Variants in MB21D2 observed in about 807,000 individuals in gnomAD.
The protein encoded by MB21D2 is nucleotidyltransferase MB21D2.
Under a neutral mutation model 33.3 loss-of-function variants are expected in MB21D2, and 9 were observed. That is an observed-to-expected ratio of 0.27 (90% CI 0.16 to 0.47). The LOEUF (loss-of-function observed/expected upper bound fraction) is 0.47, where lower values mean the gene tolerates loss of function less well. MB21D2 is among the 20% of genes least tolerant of loss of function. MB21D2 has a pLI of 0.99. For synonymous variants in MB21D2, 241 were observed against 236.3 expected, an observed-to-expected ratio of 1.02 and a Z score of -0.18; for missense variants, 540 against 624.6, an observed-to-expected ratio of 0.86 and a Z score of 1.44.
At chr3:192,887,184 T>C (rs1292626208) in intron 1 of MB21D2, among the ~76,000 whole-genome samples, 2 of 152,102 alleles carry the variant, frequency 1.3e-5, no homozygotes, top group Non-Finnish European at 2.9e-5. Flanking sequence ...TCTCGTTCTG[T>C]TTCCCAGGGT....
At chr3:192,905,611 T>G in intron 1 of MB21D2, among the ~76,000 whole-genome samples, 1 of 136,542 alleles carries the variant, frequency 7.3e-6, no homozygotes, top group South Asian at 2.3e-4. Context: ...CACTCCAGCC[T>G]GAGTGACAGA....
At chr3:192,877,493 C>G (rs1430462803) in intron 1 of MB21D2, among the ~76,000 whole-genome samples, 1 of 152,192 alleles carries the variant, frequency 6.6e-6, no homozygotes, top group Non-Finnish European at 1.5e-5. Context: ...TGCCAGTCCT[C>G]TACCCTGAGC....
intron 1 of MB21D2, among the ~76,000 whole-genome samples, chr3:192,858,584 C>T (rs1020466683): frequency 1.2e-4 from 18 of 152,212 alleles, no homozygotes; most frequent in Non-Finnish European, 1.8e-4. Context: ...TCCCCCTCAG[C>T]ATTTCTAGTA....
At chr3:192,814,831 T>C (rs6769388) in intron 1 of MB21D2, among the ~76,000 whole-genome samples, 11,820 of 150,950 alleles carry the variant, frequency 0.078, 1,402 homozygotes, top group African/African-American at 0.26. Flanking sequence ...TGCCACTGCA[T>C]TCCAGCCTGG....
At chr3:192,914,722 C>T (rs940474025) in intron 1 of MB21D2, among the ~76,000 whole-genome samples, 3 of 151,972 alleles carry the variant, frequency 2.0e-5, no homozygotes, top group African/African-American at 7.3e-5. Flanking sequence ...AAAAAAAAAT[C>T]AGAATCTCTG....
chr3:192,888,318 G>A (rs1397874487), intron 1 of MB21D2, among the ~76,000 whole-genome samples: 1 of 152,112 alleles, frequency 6.6e-6, no homozygotes, highest in Non-Finnish European at 1.5e-5. Context: ...AAGCCAAAGT[G>A]CAGAGGCCCA....
chr3:192,808,367 TG>T (rs1413878820), intron 1 of MB21D2, among the ~76,000 whole-genome samples: 1 of 151,610 alleles, frequency 6.6e-6, no homozygotes, highest in Admixed American at 6.6e-5. Context: ...AGAAGAGGAG[TG>T]AAAATTATTT....
At chr3:192,904,515 C>CG (rs1228470861) in intron 1 of MB21D2, among the ~76,000 whole-genome samples, 1 of 152,206 alleles carries the variant, frequency 6.6e-6, no homozygotes, top group Non-Finnish European at 1.5e-5. Context: ...CCCTCGGCCC[C>CG]GGGCCCTTGG....
At chr3:192,913,719 C>T (rs1239356314) in intron 1 of MB21D2, among the ~76,000 whole-genome samples, 1 of 151,942 alleles carries the variant, frequency 6.6e-6, no homozygotes. Flanking sequence ...CTAGTCCTAG[C>T]CACTAGGGAG....
intron 1 of MB21D2, among the ~76,000 whole-genome samples, chr3:192,839,600 A>G (rs370246115): frequency 1.4e-4 from 21 of 152,336 alleles, no homozygotes; most frequent in South Asian, 6.2e-4. Context: ...GTATGTCTAC[A>G]TATACATATA....
intron 1 of MB21D2, among the ~76,000 whole-genome samples, chr3:192,805,898 C>T (rs926865445): frequency 1.3e-5 from 2 of 152,194 alleles, no homozygotes; most frequent in East Asian, 1.9e-4. Flanking sequence ...ACAGATTCCA[C>T]GGAGTTATTT....
At chr3:192,809,944 C>T (rs1017256125) in intron 1 of MB21D2, among the ~76,000 whole-genome samples, 1 of 152,302 alleles carries the variant, frequency 6.6e-6, no homozygotes, top group Admixed American at 6.5e-5. Flanking sequence ...CCCACATATT[C>T]AGATGCGTAG....
intron 1 of MB21D2, among the ~76,000 whole-genome samples, chr3:192,833,074 T>C (rs2108621542): frequency 6.6e-6 from 1 of 152,106 alleles, no homozygotes; most frequent in South Asian, 2.1e-4. Context: ...GAAAACAAAT[T>C]TTGAAGTCAA....
intron 1 of MB21D2, among the ~76,000 whole-genome samples, chr3:192,867,071 T>A (rs1481944742): frequency 6.6e-6 from 1 of 152,066 alleles, no homozygotes; most frequent in African/African-American, 2.4e-5. Context: ...ACCCAGAAAC[T>A]ATTGCAATAT....
chr3:192,869,274 GA>G (rs1307711307), intron 1 of MB21D2, among the ~76,000 whole-genome samples: 8 of 130,584 alleles, frequency 6.1e-5, no homozygotes, highest in Middle Eastern at 3.9e-3. Context: ...AGAAAGGAAG[GA>G]AGGAAGGAAG....
chr3:192,901,422 A>C (rs1398106491), intron 1 of MB21D2, among the ~76,000 whole-genome samples: 3 of 151,040 alleles, frequency 2.0e-5, no homozygotes, highest in Non-Finnish European at 3.0e-5. Context: ...TCAAAAAAAA[A>C]AAAAAAAAAA....
chr3:192,911,945 T>TA (rs1490914456), intron 1 of MB21D2, among the ~76,000 whole-genome samples: 3 of 152,164 alleles, frequency 2.0e-5, no homozygotes, highest in Admixed American at 2.0e-4. Context: ...TGGAGGCCCA[T>TA]AAAACACCAA....
chr3:192,807,726 AG>A (rs1711694496), intron 1 of MB21D2, among the ~76,000 whole-genome samples: 1 of 152,152 alleles, frequency 6.6e-6, no homozygotes, highest in Admixed American at 6.6e-5. Context: ...TTATTCACAC[AG>A]TAAGTATGAG....
chr3:192,825,923 T>A (rs1379684038), intron 1 of MB21D2, among the ~76,000 whole-genome samples: 5 of 152,228 alleles, frequency 3.3e-5, no homozygotes, highest in African/African-American at 1.2e-4. Flanking sequence ...AATTGCATTG[T>A]TTCCTACTGT....
Sources: gnomAD v4.1 joint callset for allele counts (sites outside exome capture counted in the v4.1 genomes callset) on GRCh38, gnomAD v4.1.1 for gene constraint, MANE v1.5 for transcripts, NCBI Gene and HGNC (gene_info 2026-07-23, HGNC 2026-07-21) for gene names.